HS2ST1: variants seen among roughly 807,000 people sequenced by gnomAD.
The protein encoded by HS2ST1 is heparan sulfate 2-O-sulfotransferase 1, also known as 2-O-sulfotransferase.
A neutral mutation model predicts 42.9 loss-of-function variants in HS2ST1; 18 were observed. The ratio of observed to expected loss-of-function variants is 0.42; its 90% confidence interval spans 0.29 to 0.62. HS2ST1 has a LOEUF of 0.62. Ranked by LOEUF, HS2ST1 falls within the 20% of genes least tolerant of loss-of-function variation. HS2ST1 has a pLI of 0.21. For missense variants in HS2ST1, 334 were observed against 433.8 expected, an observed-to-expected ratio of 0.77 and a Z score of 2.04; for synonymous variants, 146 against 152.9, an observed-to-expected ratio of 0.95 and a Z score of 0.33.
intron 5 of HS2ST1, among the ~76,000 whole-genome samples, chr1:87,102,356 C>T (rs747246897): frequency 2.0e-5 from 3 of 152,144 alleles, no homozygotes; most frequent in Non-Finnish European, 4.4e-5. Context: ...CCGCACCAGG[C>T]CCCCAGTCTT....
chr1:87,099,506 C>T (rs1159934296), intron 5 of HS2ST1, among the ~76,000 whole-genome samples: 1 of 152,218 alleles, frequency 6.6e-6, no homozygotes. Flanking sequence ...GACAGATCTG[C>T]TCCCATGAGC....
rs547738612 is a variant in HS2ST1, at chr1:86,954,952, G to A, written c.124+39792G>A. On this transcript the variant is annotated intron_variant, in intron 1 of 6. Transcript: ENST00000370550. ...TCTCTACAAAAAATAGAAAAAATTA[G>A]CCAGGTGTGGTGGCTCATCCCTGTA... Among the ~76,000 whole-genome samples the A allele has an allele frequency of 4.6e-5, 7 of 152,148 alleles. No homozygotes were observed. In the East Asian group the frequency reaches 1.4e-3, roughly 29 times the overall value.
At chr1:87,041,019 T>C (rs1242541499) in intron 1 of HS2ST1, among the ~76,000 whole-genome samples, 1 of 152,048 alleles carries the variant, frequency 6.6e-6, no homozygotes, top group Non-Finnish European at 1.5e-5. Flanking sequence ...GTCTTAAAGA[T>C]TAAATAATTT....
At chr1:87,028,144 AC>A (rs922834896) in intron 1 of HS2ST1, among the ~76,000 whole-genome samples, 5 of 152,352 alleles carry the variant, frequency 3.3e-5, no homozygotes, top group Admixed American at 2.0e-4. Context: ...ATAGAGGGTA[AC>A]TACTTTAAGT....
At chr1:86,977,386 A>G (rs374850474) in intron 1 of HS2ST1, among the ~76,000 whole-genome samples, 1 of 152,238 alleles carries the variant, frequency 6.6e-6, no homozygotes, top group Admixed American at 6.5e-5. Context: ...AGGGAGTGAG[A>G]AGATTTGCAC....
intron 1 of HS2ST1, among the ~76,000 whole-genome samples, chr1:86,953,005 TC>T (rs1192936319): frequency 1.3e-5 from 2 of 152,234 alleles, no homozygotes; most frequent in Non-Finnish European, 2.9e-5. Context: ...CAATGCTGTT[TC>T]ATCTACATGG....
chr1:86,950,994 G>A (rs1320422166), intron 1 of HS2ST1, among the ~76,000 whole-genome samples: 1 of 152,146 alleles, frequency 6.6e-6, no homozygotes, highest in Non-Finnish European at 1.5e-5. Context: ...CTGAACCTCT[G>A]ATAGAGTGTT....
At chr1:87,045,522 A>G in intron 1 of HS2ST1, 2 of 844,842 alleles carry the variant, frequency 2.4e-6, no homozygotes, top group Non-Finnish European at 2.1e-6. Context: ...GCTGGCACAT[A>G]TGTAACAATT....
intron 1 of HS2ST1, chr1:87,045,152 G>A (rs1650615815): frequency 1.2e-6 from 1 of 858,544 alleles, no homozygotes; most frequent in East Asian, 2.5e-5. Context: ...TACTGCCATT[G>A]GTTATGCTTT....
At chr1:87,031,329 A>G (rs188077200) in intron 1 of HS2ST1, among the ~76,000 whole-genome samples, 10 of 152,290 alleles carry the variant, frequency 6.6e-5, no homozygotes, top group Admixed American at 3.3e-4. Context: ...CAACTAAATC[A>G]GAGTCTCTAG....
intron 1 of HS2ST1, among the ~76,000 whole-genome samples, chr1:87,055,867 A>G (rs1007975353): frequency 2.6e-5 from 4 of 152,210 alleles, no homozygotes; most frequent in African/African-American, 9.6e-5. Context: ...TCAGAAAGCA[A>G]TAACTTTATT....
intron 1 of HS2ST1, among the ~76,000 whole-genome samples, chr1:87,057,812 C>T (rs534806988): frequency 6.6e-6 from 1 of 151,570 alleles, no homozygotes; most frequent in East Asian, 1.9e-4. Flanking sequence ...GATCATGCCA[C>T]TGCACTCCAG....
intron 1 of HS2ST1, among the ~76,000 whole-genome samples, chr1:86,974,021 T>G (rs1648316959): frequency 6.6e-6 from 1 of 152,186 alleles, no homozygotes; most frequent in Non-Finnish European, 1.5e-5. Context: ...TTTCCTGAGT[T>G]GTAGGAGTAC....
At chr1:86,948,833 A>G (rs886212060) in intron 1 of HS2ST1, among the ~76,000 whole-genome samples, 27 of 152,270 alleles carry the variant, frequency 1.8e-4, no homozygotes, top group African/African-American at 6.0e-4. Context: ...GTTTTTCTAA[A>G]TGTACTTTGT....
chr1:86,958,438 A>G (rs1239814947), intron 1 of HS2ST1: 1 of 152,282 alleles, frequency 6.6e-6, no homozygotes, highest in African/African-American at 2.4e-5. Context: ...CACATTGAAT[A>G]GGTTGAGGAG....
At chr1:86,921,936 TAGAC>T (rs1317448401) in intron 1 of HS2ST1, among the ~76,000 whole-genome samples, 9 of 152,218 alleles carry the variant, frequency 5.9e-5, no homozygotes, top group African/African-American at 2.2e-4. Context: ...GGATTTTTGG[TAGAC>T]AGCATCTAAT....
intron 2 of HS2ST1, among the ~76,000 whole-genome samples, chr1:87,080,852 G>C: frequency 6.6e-6 from 1 of 152,192 alleles, no homozygotes; most frequent in Middle Eastern, 3.2e-3. Flanking sequence ...GCAGAGCTCA[G>C]CTGGTGCCCA....
chr1:86,997,478 T>A (rs1234825780), intron 1 of HS2ST1, among the ~76,000 whole-genome samples: 1 of 136,618 alleles, frequency 7.3e-6, no homozygotes, highest in Non-Finnish European at 1.6e-5. Context: ...TTCACCTGTG[T>A]AAATTGTGTT....
intron 1 of HS2ST1, among the ~76,000 whole-genome samples, chr1:87,055,709 A>T (rs1650951085): frequency 6.6e-6 from 1 of 152,180 alleles, no homozygotes; most frequent in Non-Finnish European, 1.5e-5. Context: ...TAATTCTAAG[A>T]TGTTAGTTGC....
Sources: allele counts gnomAD v4.1 joint callset (sites outside exome capture counted in the v4.1 genomes callset), GRCh38; gene constraint gnomAD v4.1.1; transcripts MANE v1.5; gene names NCBI Gene and HGNC (gene_info 2026-07-23, HGNC 2026-07-21).